SH3BP4: variants seen among roughly 807,000 people sequenced by gnomAD.
The protein encoded by SH3BP4 is SH3 domain binding protein 4.
SH3BP4 carries 33 observed loss-of-function variants against 65.5 expected under a neutral mutation model. The observed-to-expected ratio is 0.50, with a 90% CI of 0.38 to 0.67. SH3BP4 has a LOEUF of 0.67. Ranked by LOEUF, SH3BP4 falls within the 30% of genes least tolerant of loss-of-function variation. SH3BP4 has a pLI of 0.00. For synonymous variants in SH3BP4, 552 were observed against 545.5 expected, an observed-to-expected ratio of 1.01 and a Z score of -0.17; for missense variants, 1,134 against 1,261.4, an observed-to-expected ratio of 0.90 and a Z score of 1.53.
intron 2 of SH3BP4, among the ~76,000 whole-genome samples, chr2:235,001,751 G>A (rs540791823): frequency 6.6e-6 from 1 of 152,236 alleles, no homozygotes; most frequent in Non-Finnish European, 1.5e-5. Flanking sequence ...GGAGAGATGA[G>A]TTCTCACGGA....
At chr2:235,006,777 TC>T (rs1284743526) in intron 2 of SH3BP4, among the ~76,000 whole-genome samples, 1 of 152,054 alleles carries the variant, frequency 6.6e-6, no homozygotes, top group Non-Finnish European at 1.5e-5. Context: ...GCTCTGACCC[TC>T]CATCTGGGTT....
Position 235,038,266 on chromosome 2 carries a change from TATATATAATATATATTATATATA to T in SH3BP4, c.119-2614_119-2592del, listed in dbSNP as rs1559254116. Among the ~76,000 whole-genome samples, 103 of 27,640 alleles carry T rather than the reference TATATATAATATATATTATATATA, an allele frequency of 3.7e-3. 7 individuals carry two copies. Among genetic ancestry groups the T allele is most frequent in the African/African-American group, 0.03 (101 of 3,354 alleles). The allele number at this position is 27,640 out of a possible 152,430, so 18.1% of individuals were successfully genotyped here. ...TATATATATTATATATAATATATATTATATATAATATATATTATATATAATATATATATTATATATATATATTA... is the reference window on the plus strand; with the variant it reads ...TATATATATTATATATAATATATATTATATATATATTATATATATATATTA... On this transcript the variant is annotated intron_variant, in intron 3 of 5. Coordinates refer to ENST00000392011, the MANE Select transcript of SH3BP4 (RefSeq NM_014521.3).
chr2:235,038,372 TATACATA>T lies in SH3BP4; in HGVS notation c.119-2515_119-2509del, dbSNP rs1305931210. Among the ~76,000 whole-genome samples, 297 of 46,602 alleles carry T rather than the reference TATACATA, an allele frequency of 6.4e-3. 10 individuals are homozygous for T. The highest frequency in any genetic ancestry group is 8.4e-3 in the South Asian group (10 of 1,188). 30.6% of individuals were successfully genotyped at this position (46,602 alleles called of 152,430 possible). A position where few individuals can be genotyped will look rare whatever the true frequency, so the allele number is the denominator to read the frequency against. On this transcript the variant is annotated intron_variant, in intron 3 of 5. Coordinates refer to ENST00000392011, the MANE Select transcript of SH3BP4 (RefSeq NM_014521.3). ...ATTTTATATATATATATATAATATA[TATACATA>T]TATATATATATATATATATATATAT...
At chr2:235,027,364 C>G (rs930025260) in intron 2 of SH3BP4, among the ~76,000 whole-genome samples, 6 of 147,270 alleles carry the variant, frequency 4.1e-5, no homozygotes, top group African/African-American at 1.5e-4. Context: ...GCCCCGAAGG[C>G]TTCTCCACTA....
intron 3 of SH3BP4, among the ~76,000 whole-genome samples, chr2:235,036,570 A>G (rs573765595): frequency 6.6e-6 from 1 of 151,988 alleles, no homozygotes; most frequent in Non-Finnish European, 1.5e-5. Context: ...CCTGGCCAAC[A>G]TGGTGAAACC....
Position 235,035,148 on chromosome 2 carries a change from C to G in SH3BP4, c.118+28C>G. On this transcript the variant is annotated intron_variant, in intron 3 of 5. Transcript: ENST00000392011. This position sits in a 1 kb window ranked among gnomAD's most constrained non-coding sequence, Gnocchi z 5.0. ...GAGCTTCTGGGGAACAGGACTGTGGCTAAGGGAGAACGTTGGGATTTTCAA... is the reference window on the plus strand; with the variant it reads ...GAGCTTCTGGGGAACAGGACTGTGGGTAAGGGAGAACGTTGGGATTTTCAA... The G allele has an allele frequency of 1.3e-6, 2 of 1,525,024 alleles. No homozygotes were observed. The highest frequency in any genetic ancestry group is 1.1e-5 in the South Asian group (1 of 88,956). The allele number at this position is 1,525,024 out of a possible 1,614,324, so 94.5% of individuals were successfully genotyped here. A position where few individuals can be genotyped will look rare whatever the true frequency, so the allele number is the denominator to read the frequency against.
chr2:235,031,247 A>C (rs6431330), intron 2 of SH3BP4, among the ~76,000 whole-genome samples: 1 of 151,972 alleles, frequency 6.6e-6, no homozygotes, highest in African/African-American at 2.4e-5. Flanking sequence ...GGTTTCCTCT[A>C]TGGGGAGAGG....
intron 1 of SH3BP4, among the ~76,000 whole-genome samples, chr2:234,972,440 T>C (rs983649806): frequency 5.9e-5 from 9 of 152,036 alleles, no homozygotes; most frequent in African/African-American, 2.2e-4. Context: ...CCTTCAGTTT[T>C]TTTGTATTTT....
chr2:234,974,201 A>G lies in SH3BP4; in HGVS notation c.-206-21102A>G, dbSNP rs1432947380. Among the ~76,000 whole-genome samples the G allele has an allele frequency of 6.6e-6, 1 of 152,018 alleles. No individual in the cohort carries two copies. Among genetic ancestry groups the G allele is most frequent in the Non-Finnish European group, 1.5e-5 (1 of 67,998 alleles). On this transcript the variant is annotated intron_variant, in intron 1 of 5. Transcript: ENST00000392011. This position sits in a 1 kb window ranked among gnomAD's most constrained non-coding sequence, Gnocchi z 4.6. ...GCCAACGTGGTGAAGCCCCATCTCT[A>G]ATAAAAATACAAAATTAGCCGGGCA...
rs1695356413 is a variant in SH3BP4 at position 235,035,683 on chromosome 2, T to A, written c.118+563T>A. Among the ~76,000 whole-genome samples the A allele has an allele frequency of 6.6e-6, 1 of 152,236 alleles. No individual in the cohort carries two copies. Among genetic ancestry groups the A allele is most frequent in the African/African-American group, 2.4e-5 (1 of 41,470 alleles). The stretch of plus-strand genomic sequence containing the variant: ...GCCCCATTTGGCCCCAGGGCCGTGC[T>A]TTACCAACCCCTGATCTAGAAGGTG... On this transcript the variant is annotated intron_variant, in intron 3 of 5. Coordinates refer to ENST00000392011, the MANE Select transcript of SH3BP4 (RefSeq NM_014521.3). The surrounding 1 kb of genome is among the most constrained non-coding windows in gnomAD (Gnocchi z 5.0).
chr2:234,953,562 T>C (rs1237133528), intron 1 of SH3BP4, among the ~76,000 whole-genome samples: 2 of 152,238 alleles, frequency 1.3e-5, no homozygotes, highest in African/African-American at 4.8e-5. Flanking sequence ...TCTGTGGTTT[T>C]GGTTCCTTGC....
chr2:235,007,683 A>C (rs986366616), intron 2 of SH3BP4, among the ~76,000 whole-genome samples: 1 of 152,156 alleles, frequency 6.6e-6, no homozygotes, highest in Non-Finnish European at 1.5e-5. Flanking sequence ...GCCAGTTGCT[A>C]AGTGGGGAAG....
At chr2:234,954,491 G>GA (rs1052466034) in intron 1 of SH3BP4, among the ~76,000 whole-genome samples, 1 of 152,150 alleles carries the variant, frequency 6.6e-6, no homozygotes, top group Non-Finnish European at 1.5e-5. Context: ...AAAGTGGGCT[G>GA]AAAAAAATGC....
rs146184362 is a variant in SH3BP4 at position 234,998,982 on chromosome 2, T to A, written c.-133+3606T>A. Among the ~76,000 whole-genome samples, 67 of 152,326 alleles carry A rather than the reference T, an allele frequency of 4.4e-4. 1 individual carries two copies. Among genetic ancestry groups the A allele is most frequent in the African/African-American group, 1.4e-3 (59 of 41,568 alleles). On this transcript the variant is annotated intron_variant, in intron 2 of 5. Transcript: ENST00000392011. ...TAATCCAATAGAGGAGAAGGGCACT[T>A]GAGGCCATGCAGCGGCTGAACGGGA...
At chr2:235,007,094 G>A (rs1694319816) in intron 2 of SH3BP4, among the ~76,000 whole-genome samples, 1 of 152,024 alleles carries the variant, frequency 6.6e-6, no homozygotes, top group Non-Finnish European at 1.5e-5. Context: ...ATTTCCTAGG[G>A]TCGGGTGAGC....
intron 2 of SH3BP4, among the ~76,000 whole-genome samples, chr2:235,017,614 C>A (rs372336865): frequency 1.6e-3 from 242 of 152,212 alleles, no homozygotes; most frequent in Middle Eastern, 6.8e-3. Context: ...AGTGACTGGG[C>A]ATAAGTTGCT....
At chr2:235,028,377 C>A (rs931615455) in intron 2 of SH3BP4, among the ~76,000 whole-genome samples, 10 of 152,142 alleles carry the variant, frequency 6.6e-5, no homozygotes, top group African/African-American at 2.4e-4. Flanking sequence ...CCCGAGGTGC[C>A]CACCAAGGGA....
intron 1 of SH3BP4, among the ~76,000 whole-genome samples, chr2:234,994,050 G>A (rs1285262090): frequency 6.6e-6 from 1 of 152,068 alleles, no homozygotes; most frequent in Admixed American, 6.6e-5. Context: ...TTTGCACATC[G>A]CTTGTACCCT....
At chr2:235,006,150 G>A (rs10211407) in intron 2 of SH3BP4, among the ~76,000 whole-genome samples, 35,086 of 152,126 alleles carry the variant, frequency 0.23, 5,694 homozygotes, top group East Asian at 0.72. Flanking sequence ...CGCCGGCCAC[G>A]GCTTTTACGA....
Sources: allele counts gnomAD v4.1 joint callset (sites outside exome capture counted in the v4.1 genomes callset), GRCh38; gene constraint gnomAD v4.1.1; non-coding constraint Gnocchi (gnomAD v3.1); transcripts MANE v1.5; gene names NCBI Gene and HGNC (gene_info 2026-07-23, HGNC 2026-07-21).